Variants in CLASP2 observed in about 807,000 individuals in gnomAD.
CLASP2 encodes CLIP-associating protein 2.
In CLASP2, 47 loss-of-function variants were observed where a neutral mutation model predicts 194.4. That is an observed-to-expected ratio of 0.24 (90% CI 0.19 to 0.31). The LOEUF (loss-of-function observed/expected upper bound fraction) is 0.31, where lower values mean the gene tolerates loss of function less well. Ranked by LOEUF, CLASP2 falls within the 10% of genes least tolerant of loss-of-function variation. The pLI, the probability that CLASP2 is intolerant of heterozygous loss-of-function variation, is 1.00. For synonymous variants in CLASP2, 619 were observed against 633.5 expected (o/e 0.98, Z 0.34); for missense variants, 1,445 against 1,823.6 (o/e 0.79, Z 3.78).
intron 6 of CLASP2, among the ~76,000 whole-genome samples, chr3:33,675,881 G>A (rs981623364): frequency 4.5e-4 from 67 of 149,624 alleles, no homozygotes; most frequent in African/African-American, 1.3e-3. Flanking sequence ...TACAAGGGAC[G>A]TGAAGGACCT....
chr3:33,638,294 AT>A (rs2080570515), intron 8 of CLASP2, among the ~76,000 whole-genome samples: 2 of 151,810 alleles, frequency 1.3e-5, no homozygotes, highest in African/African-American at 2.4e-5. Context: ...CATTCTTTTT[AT>A]TTTTTTATTT....
intron 1 of CLASP2, among the ~76,000 whole-genome samples, chr3:33,706,045 G>GAT (rs2092665138): frequency 6.6e-6 from 1 of 152,186 alleles, no homozygotes; most frequent in African/African-American, 2.4e-5. Context: ...CTGAGCCCAG[G>GAT]AGTTTGATAC....
At chr3:33,558,873 A>C (rs2061366748) in intron 29 of CLASP2, 1 of 157,930 alleles carries the variant, frequency 6.3e-6, no homozygotes, top group Admixed American at 6.4e-5. Flanking sequence ...ACATAAAATT[A>C]GATAAGACTT....
intron 21 of CLASP2, among the ~76,000 whole-genome samples, chr3:33,588,255 C>T (rs941112213): frequency 1.3e-5 from 2 of 152,062 alleles, no homozygotes; most frequent in Middle Eastern, 3.2e-3. Flanking sequence ...TACCAAGGCT[C>T]CTTCCCCAGT....
At chr3:33,608,906 G>A (rs2074501415) in intron 13 of CLASP2, among the ~76,000 whole-genome samples, 1 of 151,490 alleles carries the variant, frequency 6.6e-6, no homozygotes, top group Non-Finnish European at 1.5e-5. Context: ...AACTTACTCA[G>A]GATCCAATTA....
intron 23 of CLASP2, among the ~76,000 whole-genome samples, chr3:33,580,400 TA>T (rs1436722401): frequency 6.6e-6 from 1 of 151,742 alleles, no homozygotes; most frequent in Non-Finnish European, 1.5e-5. Context: ...CCATCTCTAC[TA>T]AAAATAGAAA....
chr3:33,542,649 T>A (rs952538483), intron 32 of CLASP2, among the ~76,000 whole-genome samples: 8 of 149,060 alleles, frequency 5.4e-5, no homozygotes, highest in Non-Finnish European at 1.0e-4. Context: ...ATATATGACA[T>A]ATATGTAATT....
chr3:33,547,130 C>T (rs1010402050), intron 30 of CLASP2, among the ~76,000 whole-genome samples: 30 of 152,154 alleles, frequency 2.0e-4, no homozygotes, highest in African/African-American at 6.5e-4. Context: ...TATGGTTTGG[C>T]TCTGTGTCCC....
chr3:33,679,346 C>G (rs1225244331), intron 6 of CLASP2, among the ~76,000 whole-genome samples: 2 of 152,026 alleles, frequency 1.3e-5, no homozygotes, highest in Non-Finnish European at 2.9e-5. Flanking sequence ...TTTAAAACAA[C>G]ACCAAAAGCA....
chr3:33,533,692 A>C (rs1457498511), intron 34 of CLASP2, among the ~76,000 whole-genome samples: 1 of 152,150 alleles, frequency 6.6e-6, no homozygotes, highest in Non-Finnish European at 1.5e-5. Context: ...CATCTCTAGA[A>C]ATCTCTTAAA....
intron 24 of CLASP2, 183 bp from the exon 25 acceptor site, chr3:33,573,537 T>G: frequency 1.4e-6 from 1 of 700,546 alleles, no homozygotes; most frequent in African/African-American, 1.8e-5. Context: ...TAGAAGTTAG[T>G]AGAAGGTAAA....
intron 8 of CLASP2, among the ~76,000 whole-genome samples, chr3:33,638,317 T>C (rs535228998): frequency 6.6e-6 from 1 of 152,258 alleles, no homozygotes; most frequent in Non-Finnish European, 1.5e-5. Context: ...TATTTATTTA[T>C]TTTTTGAGAT....
At chr3:33,674,146 T>C (rs949316892) in intron 6 of CLASP2, among the ~76,000 whole-genome samples, 9 of 152,328 alleles carry the variant, frequency 5.9e-5, no homozygotes, top group African/African-American at 1.7e-4. Context: ...ATACATTCTT[T>C]TCAGCACAAC....
chr3:33,603,200 C>T lies in CLASP2; in HGVS notation c.1751-75G>A, dbSNP rs1037737940. On this transcript the variant is annotated intron_variant, in intron 17 of 38. Transcript: ENST00000682230. The stretch of plus-strand genomic sequence containing the variant: ...CATGAAAATTATATAAACCTGACCA[C>T]CATGAGCTAATCTGATGACAAATGG... 3.4e-5 allele frequency: 48 copies of T among 1,407,468 alleles called. 1 individual carries two copies. The highest frequency in any genetic ancestry group is 6.0e-5 in the South Asian group (4 of 67,074). The allele number at this position is 1,407,468 out of a possible 1,614,324, so 87.2% of individuals were successfully genotyped here.
chr3:33,672,352 T>C (rs997941627), intron 6 of CLASP2, among the ~76,000 whole-genome samples: 1 of 152,160 alleles, frequency 6.6e-6, no homozygotes, highest in Non-Finnish European at 1.5e-5. Flanking sequence ...AGTGGACCTC[T>C]AGCAAATTCC....
chr3:33,560,947 G>C lies in CLASP2; in HGVS notation c.2791C>G (p.Leu931Val). 1 of 1,613,702 alleles carries C rather than the reference G, an allele frequency of 6.2e-7. No homozygotes were observed. The highest frequency in any genetic ancestry group is 8.5e-7 in the Non-Finnish European group (1 of 1,179,766). Residue 931 changes from leucine to valine, a missense_variant, in exon 28 of 39, where the codon CTA becomes GTA. Leu to Val is a conservative substitution (Grantham distance 32, BLOSUM62 1). Around this residue, in one of 4 missense-constraint regions of CLASP2, gnomAD observed 732 missense variants for 987.9 expected, o/e 0.74. Coordinates refer to ENST00000682230, the MANE Select transcript of CLASP2 (RefSeq NM_001365631.1). ...TTGTGGACTTGTATGAAATCCACTA[G>C]AGTCTCCAAAAACATGCTGAATACC... ...KRVFSMFLET[L>V]VDFIQVHKDD... is the part of the protein sequence containing the mutation.
chr3:33,589,093 G>GA (rs2068059248), intron 21 of CLASP2, among the ~76,000 whole-genome samples: 1 of 151,754 alleles, frequency 6.6e-6, no homozygotes, highest in Non-Finnish European at 1.5e-5. Context: ...TACTCATAAG[G>GA]AACAACTACA....
chr3:33,556,169 C>T (rs1354213435), intron 29 of CLASP2, among the ~76,000 whole-genome samples: 1 of 152,122 alleles, frequency 6.6e-6, no homozygotes, highest in Non-Finnish European at 1.5e-5. Flanking sequence ...CCCATTGCTT[C>T]CTCTTGACAT....
At chr3:33,574,546 T>C in intron 24 of CLASP2, 1 of 1,207,094 alleles carries the variant, frequency 8.3e-7, no homozygotes, top group Non-Finnish European at 1.2e-6. Flanking sequence ...ATGAAGAACA[T>C]TTTGCTAATC....
Sources: gnomAD v4.1 joint callset for allele counts (sites outside exome capture counted in the v4.1 genomes callset) on GRCh38, gnomAD v4.1.1 for gene constraint, gnomAD v4.1.1 regional missense constraint, MANE v1.5 for transcripts, NCBI Gene and HGNC (gene_info 2026-07-23, HGNC 2026-07-21) for gene names.